The following FKBP14 variants were observed in gnomAD, a reference collection of about 807,000 sequenced individuals.
The protein encoded by FKBP14 is FKBP prolyl isomerase 14.
Under a neutral mutation model 21.6 loss-of-function variants are expected in FKBP14, and 20 were observed. The ratio of observed to expected loss-of-function variants is 0.92; its 90% CI spans 0.65 to 1.34. The LOEUF is 1.34. Among genes scored for constraint, FKBP14 ranks in the 40% most tolerant of loss-of-function variants. The pLI is 0.00. For missense variants in FKBP14, 253 were observed against 249.0 expected (o/e 1.02, Z -0.11); for synonymous variants, 79 against 86.7 (o/e 0.91, Z 0.49).
intron 1 of FKBP14, among the ~76,000 whole-genome samples, chr7:30,023,241 T>G (rs1312289113): frequency 6.6e-6 from 1 of 152,210 alleles, no homozygotes; most frequent in Non-Finnish European, 1.5e-5. Flanking sequence ...GTTCAAGGTC[T>G]TAATCACAAA....
At chr7:30,006,890 CCTT>C (rs1203984340), downstream of FKBP14, among the ~76,000 whole-genome samples, 1 of 152,194 alleles carries the variant, frequency 6.6e-6, no homozygotes, top group Non-Finnish European at 1.5e-5. Context: ...CTCCCAAACC[CCTT>C]ATTTTTAAAA....
intron 2 of FKBP14, among the ~76,000 whole-genome samples, chr7:30,020,711 A>G (rs146314096): frequency 1.8e-4 from 28 of 152,334 alleles, no homozygotes; most frequent in African/African-American, 6.5e-4. Context: ...GCAGTTGACC[A>G]CAGGTAACTA....
intron 2 of FKBP14, 110 bp downstream of exon 2, chr7:30,022,555 C>A: frequency 1.9e-6 from 2 of 1,074,330 alleles, no homozygotes; most frequent in Non-Finnish European, 2.6e-6. Context: ...ATACATACCC[C>A]CTATTAACTT....
rs1789748010 is a variant in FKBP14 at position 30,011,857 on chromosome 7, C to T, written c.*2878G>A. 6.6e-6 allele frequency: 1 copy of T among 152,006 alleles called. No homozygotes were observed. Among genetic ancestry groups the T allele is most frequent in the African/African-American group, 2.4e-5 (1 of 41,380 alleles). The allele number at this position is 152,006 out of a possible 1,614,324, so 9.4% of individuals were successfully genotyped here. ...TACAGGCGTGAACCACTGCACCTGA[C>T]CAGATTTTTTACAAAATCTTTTATA... On this transcript the variant is annotated 3_prime_UTR_variant, in exon 4 of 4. Coordinates refer to ENST00000222803, the MANE Select transcript of FKBP14 (RefSeq NM_017946.4).
chr7:30,026,434 T>G lies in FKBP14; in HGVS notation c.75A>C (p.Pro25=). The G allele has an allele frequency of 6.2e-7, 1 of 1,614,214 alleles. No individual in the cohort carries two copies. The highest frequency in any genetic ancestry group is 8.5e-7 in the Non-Finnish European group (1 of 1,180,016). Residue 25 remains proline, a synonymous_variant, in exon 1 of 4, where the codon CCA becomes CCC. Transcript: ENST00000222803. ...TSLIGALIPE[P]EVKIEVLQKP... ...TCTGGAGAACTTCAATTTTCACTTC[T>G]GGTTCAGGGATCAAAGCCCCAATCA...
rs1021330827 is a variant in FKBP14, at chr7:30,022,584, T to C, written c.349+81A>G. 3 of 1,438,132 alleles carry C rather than the reference T, an allele frequency of 2.1e-6. No homozygotes were observed. The African/African-American group carries it at 4.3e-5, about 21-fold the overall frequency. The allele number at this position is 1,438,132 out of a possible 1,614,324, so 89.1% of individuals were successfully genotyped here. ...TTAACTTCCAGGGGAAAAAAAAAAG[T>C]TATAGTGACTCTAACTTCTGTCTCC... is the stretch of plus-strand genomic sequence containing the variant. On this transcript the variant is annotated intron_variant, in intron 2 of 3. Transcript: ENST00000222803.
In FKBP14 at chr7:30,014,901, A is replaced by T. The variant is rs1351365105; in HGVS notation, c.478-8T>A. 3 of 1,563,716 alleles carry T rather than the reference A, an allele frequency of 1.9e-6. No homozygotes were observed. Among genetic ancestry groups the T allele is most frequent in the Non-Finnish European group, 2.6e-6 (3 of 1,159,152 alleles). On this transcript the variant is annotated splice_polypyrimidine_tract_variant and splice_region_variant and intron_variant, in intron 3 of 3. Transcript: ENST00000222803. Reference sequence around the variant, plus strand: ...CTTTAAATATGCTTTAACCTACAAAATAACAGATCCCATTAATAACTTGGA... The same window carrying T: ...CTTTAAATATGCTTTAACCTACAAATTAACAGATCCCATTAATAACTTGGA...
At chr7:30,017,336 C>A (rs1452450342) in intron 3 of FKBP14, among the ~76,000 whole-genome samples, 1 of 152,026 alleles carries the variant, frequency 6.6e-6, no homozygotes, top group East Asian at 1.9e-4. Context: ...TTTGGGAGGC[C>A]AAGGCAGGCG....
intron 1 of FKBP14, 29 bp from the exon 2 acceptor site, chr7:30,022,845 T>C: frequency 6.3e-7 from 1 of 1,595,340 alleles, no homozygotes; most frequent in East Asian, 2.2e-5. Flanking sequence ...ACATTAGAAC[T>C]CCTTATTAAC....
chr7:30,006,440 T>A (rs2127943372), downstream of FKBP14, among the ~76,000 whole-genome samples: 1 of 152,186 alleles, frequency 6.6e-6, no homozygotes, highest in East Asian at 1.9e-4. Flanking sequence ...AGAGTCATTT[T>A]TTTTTTTTCT....
chr7:30,018,321 A>C (rs1023541650), intron 3 of FKBP14, among the ~76,000 whole-genome samples: 2 of 152,238 alleles, frequency 1.3e-5, no homozygotes, highest in African/African-American at 4.8e-5. Context: ...GTGAGTAGAT[A>C]AAAAACAGGA....
chr7:30,015,426 AAAATT>A (rs960399738), intron 3 of FKBP14, among the ~76,000 whole-genome samples: 3 of 148,658 alleles, frequency 2.0e-5, no homozygotes, highest in African/African-American at 7.5e-5. Flanking sequence ...AAAAAAATAA[AAAATT>A]AAAAAATTAA....
chr7:30,023,349 T>G (rs1359394340), intron 1 of FKBP14, among the ~76,000 whole-genome samples: 2 of 152,196 alleles, frequency 1.3e-5, no homozygotes, highest in Admixed American at 1.3e-4. Context: ...CTAAGGAGAA[T>G]TTACTGCCAA....
At chr7:30,021,309 A>G (rs1359702165) in intron 2 of FKBP14, among the ~76,000 whole-genome samples, 1 of 152,038 alleles carries the variant, frequency 6.6e-6, no homozygotes, top group Non-Finnish European at 1.5e-5. Context: ...TTCTACTTTT[A>G]TATATAATAC....
In FKBP14 at chr7:30,011,606, A is replaced by G. The variant is rs1789739495; in HGVS notation, c.*3129T>C. 1.5e-5 allele frequency: 2 copies of G among 130,206 alleles called. No homozygotes were observed. The highest frequency in any genetic ancestry group is 4.6e-4 in the South Asian group (2 of 4,332). 8.1% of individuals were successfully genotyped at this position (130,206 alleles called of 1,614,324 possible). On this transcript the variant is annotated 3_prime_UTR_variant, in exon 4 of 4. Transcript: ENST00000222803. ...ATATATATATAGTATATATATATAT[A>G]TATATTTTTTTTTTTAGATGGGGAG...
Position 30,011,550 on chromosome 7 carries a change from T to TATATATATATATACC in FKBP14, c.*3170_*3184dup, listed in dbSNP as rs1491106922. 7 of 101,468 alleles carry TATATATATATATACC rather than the reference T, an allele frequency of 6.9e-5. No homozygotes were observed. Among genetic ancestry groups the TATATATATATATACC allele is most frequent in the African/African-American group, 2.7e-4 (7 of 25,866 alleles). The allele number at this position is 101,468 out of a possible 1,614,324, so 6.3% of individuals were successfully genotyped here. On this transcript the variant is annotated 3_prime_UTR_variant, in exon 4 of 4. Transcript: ENST00000222803. The stretch of plus-strand genomic sequence containing the variant: ...ATACACACACCATATATATATATAC[T>TATATATATATATACC]ATATATATATATACCATATATATGG...
chr7:30,025,281 C>T (rs1583737161), intron 1 of FKBP14: 1 of 152,238 alleles, frequency 6.6e-6, no homozygotes, highest in Admixed American at 6.5e-5. Flanking sequence ...CCTTTCCCCA[C>T]CCCATGGAGC....
chr7:30,019,885 A>G (rs1272916042), intron 2 of FKBP14, among the ~76,000 whole-genome samples: 1 of 152,170 alleles, frequency 6.6e-6, no homozygotes, highest in Non-Finnish European at 1.5e-5. Flanking sequence ...CTGATATAGA[A>G]CATTATATAT....
intron 1 of FKBP14, 145 bp from the exon 2 acceptor site, chr7:30,022,961 A>G (rs1790076217): frequency 6.5e-6 from 4 of 615,812 alleles, no homozygotes; most frequent in Non-Finnish European, 1.1e-5. Context: ...ATACACACAC[A>G]CCTCCAAGTC....
Sources: allele counts gnomAD v4.1 joint callset (sites outside exome capture counted in the v4.1 genomes callset), GRCh38; gene constraint gnomAD v4.1.1; transcripts MANE v1.5; gene names NCBI Gene and HGNC (gene_info 2026-07-23, HGNC 2026-07-21).